The following TCP10L variants were observed in gnomAD, a reference collection of about 807,000 sequenced individuals.
The protein encoded by TCP10L is t-complex 10 like.
TCP10L carries 11 observed loss-of-function variants against 19.2 expected under a neutral mutation model. The observed-to-expected ratio is 0.57, with a 90% CI of 0.36 to 0.95. The LOEUF is 0.95. TCP10L is among the 40% of genes least tolerant of loss of function. TCP10L has a pLI of 0.01. For synonymous variants in TCP10L, 96 were observed against 97.2 expected (o/e 0.99, Z 0.07); for missense variants, 247 against 263.9 (o/e 0.94, Z 0.44).
Position 32,576,449 on chromosome 21 carries a change from G to T in TCP10L, c.*325C>A. 1 of 717,874 alleles carries T rather than the reference G, an allele frequency of 1.4e-6. No homozygotes were observed. The highest frequency in any genetic ancestry group is 2.2e-6 in the Non-Finnish European group (1 of 444,596). 44.5% of individuals were successfully genotyped at this position (717,874 alleles called of 1,614,324 possible). On this transcript the variant is annotated 3_prime_UTR_variant, in exon 5 of 5. Transcript: ENST00000300258. ...CCTCGATTTCCAGCAAGACCCCAGG[G>T]CTCACCCAACAGCCCGACACTCCAT...
chr21:32,584,911 ATAGG>A (rs2038543143), intron 1 of TCP10L, among the ~76,000 whole-genome samples: 1 of 152,140 alleles, frequency 6.6e-6, no homozygotes, highest in African/African-American at 2.4e-5. Context: ...ACACCTTTTT[ATAGG>A]TACAGCATTT....
chr21:32,579,780 A>T (rs2038471596), intron 3 of TCP10L, among the ~76,000 whole-genome samples: 1 of 152,132 alleles, frequency 6.6e-6, no homozygotes, highest in Non-Finnish European at 1.5e-5. Flanking sequence ...ATTTTTTAGG[A>T]ACTGGCATAC....
In TCP10L at chr21:32,576,428, G is replaced by T; in HGVS notation, c.*346C>A. The T allele has an allele frequency of 1.2e-6, 1 of 812,416 alleles. No homozygotes were observed. The highest frequency in any genetic ancestry group is 1.9e-6 in the Non-Finnish European group (1 of 527,068). The allele number at this position is 812,416 out of a possible 1,614,324, so 50.3% of individuals were successfully genotyped here. A position where few individuals can be genotyped will look rare whatever the true frequency, so the allele number is the denominator to read the frequency against. Reference sequence around the variant, plus strand: ...CACAAAGCCATCTTCAGCCATCCTCGATTTCCAGCAAGACCCCAGGGCTCA... The same window carrying T: ...CACAAAGCCATCTTCAGCCATCCTCTATTTCCAGCAAGACCCCAGGGCTCA... On this transcript the variant is annotated 3_prime_UTR_variant, in exon 5 of 5. Coordinates refer to ENST00000300258, the MANE Select transcript of TCP10L (RefSeq NM_144659.7).
At position 32,584,290 on chromosome 21, in the gene TCP10L, T is replaced by C. The variant is rs375422861; in HGVS notation, c.15A>G (p.Gln5=). ...CCTCTTTGGGGTCCCTGGCCTCGAG[T>C]TGACCTGCCAGCATCCTGGTTGGGA... is the stretch of plus-strand genomic sequence containing the variant. The part of the protein sequence containing the change: MLAG[Q]LEARDPKEGT... The change falls in exon 2 of 5, where the codon CAA becomes CAG. Residue 5 remains glutamine, a synonymous_variant. Coordinates refer to ENST00000300258, the MANE Select transcript of TCP10L (RefSeq NM_144659.7). 1.4e-5 allele frequency: 23 copies of C among 1,613,608 alleles called. No homozygotes were observed. Among genetic ancestry groups the C allele is most frequent in the African/African-American group, 4.0e-5 (3 of 74,988 alleles).
intron 2 of TCP10L, 145 bp downstream of exon 2, chr21:32,584,016 T>A (rs1354381259): frequency 2.7e-6 from 3 of 1,120,378 alleles, no homozygotes; most frequent in Non-Finnish European, 3.7e-6. Flanking sequence ...CACATGCCCC[T>A]TGGAGAGGAA....
At chr21:32,584,120 G>T in intron 2 of TCP10L, 41 bp downstream of exon 2, 1 of 1,578,716 alleles carries the variant, frequency 6.3e-7, no homozygotes, top group Non-Finnish European at 8.6e-7. Context: ...TCAGGGTCCC[G>T]CCTGGTGGGA....
At chr21:32,579,724 C>T (rs1303493106) in intron 3 of TCP10L, among the ~76,000 whole-genome samples, 1 of 152,190 alleles carries the variant, frequency 6.6e-6, no homozygotes, top group African/African-American at 2.4e-5. Context: ...TTCATTGACT[C>T]TTAGGGTAAT....
intron 3 of TCP10L, among the ~76,000 whole-genome samples, chr21:32,581,787 C>T (rs894965746): frequency 1.3e-5 from 2 of 152,206 alleles, no homozygotes; most frequent in Non-Finnish European, 2.9e-5. Context: ...AATCCCAGCT[C>T]TACGTTCTCC....
At chr21:32,585,095 C>T (rs1238220763) in intron 1 of TCP10L, among the ~76,000 whole-genome samples, 3 of 152,178 alleles carry the variant, frequency 2.0e-5, no homozygotes, top group Admixed American at 1.3e-4. Context: ...CTGTTTAATT[C>T]ATAAACTTCT....
At position 32,575,729 on chromosome 21, in the gene TCP10L, A is replaced by C. The variant is rs1395301153; in HGVS notation, c.*1045T>G. ...ATTCTTTCCTGACTCAACCAGGGGC[A>C]CTCTCGTCTCCTCCCCGTGAGACCC... On this transcript the variant is annotated 3_prime_UTR_variant, in exon 5 of 5. Transcript: ENST00000300258. 6.5e-6 allele frequency: 1 copy of C among 153,048 alleles called. No homozygotes were observed. The highest frequency in any genetic ancestry group is 2.1e-4 in the South Asian group (1 of 4,846). The allele number at this position is 153,048 out of a possible 1,614,324, so 9.5% of individuals were successfully genotyped here.
intron 4 of TCP10L, 106 bp from the exon 5 acceptor site, chr21:32,577,029 C>G (rs763725198): frequency 7.5e-6 from 9 of 1,197,266 alleles, no homozygotes; most frequent in Non-Finnish European, 1.1e-5. Flanking sequence ...TGATTCTACT[C>G]CCCCTTCCTA....
intron 3 of TCP10L, among the ~76,000 whole-genome samples, chr21:32,581,239 G>A (rs756282558): frequency 3.3e-5 from 5 of 152,148 alleles, no homozygotes; most frequent in Non-Finnish European, 5.9e-5. Context: ...CCCGGTCACT[G>A]GGCAGCCCAA....
chr21:32,580,476 C>CTGTGTG (rs3056366), intron 3 of TCP10L, among the ~76,000 whole-genome samples: 8,787 of 137,222 alleles, frequency 0.064, 312 homozygotes, highest in African/African-American at 0.086. Flanking sequence ...CGGTGGGTGC[C>CTGTGTG]TGTGTGTGTG....
Position 32,578,624 on chromosome 21 carries a change from C to G in TCP10L, c.498+70G>C. 6.4e-7 allele frequency: 1 copy of G among 1,557,854 alleles called. No homozygotes were observed. Among genetic ancestry groups the G allele is most frequent in the Non-Finnish European group, 8.7e-7 (1 of 1,153,626 alleles). ...GGAGGTGAAATTGTGTGGTGAGGAGCTGATGGGATGTGTGTGTTTGGGTAC... is the reference window on the plus strand; with the variant it reads ...GGAGGTGAAATTGTGTGGTGAGGAGGTGATGGGATGTGTGTGTTTGGGTAC... On this transcript the variant is annotated intron_variant, in intron 4 of 4. Coordinates refer to ENST00000300258, the MANE Select transcript of TCP10L (RefSeq NM_144659.7). This position sits in a 1 kb window ranked among gnomAD's most constrained non-coding sequence, Gnocchi z 4.2.
intron 1 of TCP10L, 93 bp from the exon 2 acceptor site, chr21:32,584,398 G>T: frequency 6.7e-7 from 1 of 1,484,584 alleles, no homozygotes; most frequent in South Asian, 1.4e-5. Flanking sequence ...AACTAAGGGT[G>T]AGCAGGACCC....
At position 32,582,006 on chromosome 21, in the gene TCP10L, G is replaced by C. The variant is rs950544925; in HGVS notation, c.360+194C>G. ...ATGCTTCTGTCTGCTGGAGTGCCAG[G>C]TGAGAGGCCTGATGTATCCAGTTCT... On this transcript the variant is annotated intron_variant, in intron 3 of 4. Coordinates refer to ENST00000300258, the MANE Select transcript of TCP10L (RefSeq NM_144659.7). The surrounding 1 kb of genome is among the most constrained non-coding windows in gnomAD (Gnocchi z 4.2). Among the ~76,000 whole-genome samples the C allele has an allele frequency of 6.6e-6, 1 of 152,144 alleles. No individual in the cohort carries two copies. The highest frequency in any genetic ancestry group is 1.5e-5 in the Non-Finnish European group (1 of 68,026).
At chr21:32,577,564 C>T (rs2038449377) in intron 4 of TCP10L, 1 of 152,298 alleles carries the variant, frequency 6.6e-6, no homozygotes, top group South Asian at 2.1e-4. Flanking sequence ...TCCACATCAA[C>T]CCAGTATCAG....
At chr21:32,581,068 T>C (rs982111816) in intron 3 of TCP10L, among the ~76,000 whole-genome samples, 2 of 152,206 alleles carry the variant, frequency 1.3e-5, no homozygotes, top group African/African-American at 2.4e-5. Flanking sequence ...ACTCCCATCC[T>C]ATGCCTATAA....
Position 32,576,751 on chromosome 21 carries a change from T to G in TCP10L, c.*23A>C, listed in dbSNP as rs1232612745. On this transcript the variant is annotated 3_prime_UTR_variant, in exon 5 of 5. Coordinates refer to ENST00000300258, the MANE Select transcript of TCP10L (RefSeq NM_144659.7). ...AGGGGCCAGTGTAGAGTGACACAGGTGTCCGAGGCCACCTTTCCATCTTCA... is the reference window on the plus strand; with the variant it reads ...AGGGGCCAGTGTAGAGTGACACAGGGGTCCGAGGCCACCTTTCCATCTTCA... The G allele has an allele frequency of 6.2e-7, 1 of 1,609,900 alleles. No homozygotes were observed. Among genetic ancestry groups the G allele is most frequent in the South Asian group, 1.1e-5 (1 of 89,824 alleles).
Sources: gnomAD v4.1 joint callset for allele counts (sites outside exome capture counted in the v4.1 genomes callset) on GRCh38, gnomAD v4.1.1 for gene constraint, Gnocchi (gnomAD v3.1) non-coding constraint, MANE v1.5 for transcripts, NCBI Gene and HGNC (gene_info 2026-07-23, HGNC 2026-07-21) for gene names.